The following HENMT1 variants were observed in gnomAD, a reference collection of about 807,000 sequenced individuals.
HENMT1 encodes the protein HEN methyltransferase 1.
HENMT1 carries 27 observed loss-of-function variants against 31.1 expected under a neutral mutation model. The observed-to-expected ratio is 0.87, with a 90% CI of 0.64 to 1.20. The LOEUF is 1.20. Among genes scored for constraint, HENMT1 ranks in the 50% most tolerant of loss-of-function variants. The pLI, the probability that HENMT1 is intolerant of heterozygous loss-of-function variation, is 0.00. For synonymous variants in HENMT1, 167 were observed against 172.2 expected (o/e 0.97, Z 0.24); for missense variants, 438 against 469.6 (o/e 0.93, Z 0.62).
intron 7 of HENMT1, chr1:108,649,495 C>T (rs115987656): frequency 5.7e-5 from 23 of 406,140 alleles, no homozygotes; most frequent in African/African-American, 2.1e-4. Context: ...GCACGCCTGT[C>T]GTCCTAGCTA....
chr1:108,658,917 C>T (rs1658354295), intron 2 of HENMT1, among the ~76,000 whole-genome samples: 2 of 152,160 alleles, frequency 1.3e-5, no homozygotes, highest in Non-Finnish European at 2.9e-5. Context: ...TATTTGATAT[C>T]TGATGTAGCA....
At chr1:108,658,910 T>C (rs905290212) in intron 2 of HENMT1, among the ~76,000 whole-genome samples, 6 of 152,222 alleles carry the variant, frequency 3.9e-5, no homozygotes, top group African/African-American at 1.4e-4. Flanking sequence ...CAAAGGGTAT[T>C]TGATATCTGA....
upstream of HENMT1, chr1:108,661,121 C>G (rs1312127998): frequency 4.4e-5 from 22 of 499,350 alleles, no homozygotes; most frequent in Non-Finnish European, 5.4e-5. Context: ...CTGCGTGACG[C>G]TACCGCCGCG....
At chr1:108,651,392 C>G (rs978522944) in intron 5 of HENMT1, 183 bp from the exon 6 acceptor site, 20 of 575,076 alleles carry the variant, frequency 3.5e-5, no homozygotes, top group Non-Finnish European at 5.7e-5. Context: ...CGCCTGTAAT[C>G]CCAACACTTT....
chr1:108,659,649 CTACTT>C (rs1224290939), intron 2 of HENMT1, among the ~76,000 whole-genome samples: 8 of 152,182 alleles, frequency 5.3e-5, no homozygotes, highest in African/African-American at 1.9e-4. Context: ...ATAGATTTTG[CTACTT>C]TAACACCTAG....
At chr1:108,656,450 T>C (rs755565471) in intron 3 of HENMT1, among the ~76,000 whole-genome samples, 1 of 152,228 alleles carries the variant, frequency 6.6e-6, no homozygotes, top group Non-Finnish European at 1.5e-5. Context: ...TATGCAATTA[T>C]GACTTTACTC....
At chr1:108,655,222 G>A (rs901544323) in intron 4 of HENMT1, among the ~76,000 whole-genome samples, 1 of 152,194 alleles carries the variant, frequency 6.6e-6, no homozygotes, top group Non-Finnish European at 1.5e-5. Flanking sequence ...AGAGATAGGA[G>A]AAATGCTATG....
At chr1:108,658,131 A>G (rs1396032314) in intron 2 of HENMT1, among the ~76,000 whole-genome samples, 2 of 142,200 alleles carry the variant, frequency 1.4e-5, no homozygotes, top group South Asian at 2.2e-4. Context: ...ATATATATAT[A>G]TATTTTTTTT....
chr1:108,655,483 GC>G, intron 4 of HENMT1, 102 bp downstream of exon 4: 1 of 614,642 alleles, frequency 1.6e-6, no homozygotes. Context: ...ATCCCTAATG[GC>G]CCCAATCTTT....
chr1:108,658,092 C>T (rs541910381), intron 2 of HENMT1, among the ~76,000 whole-genome samples: 3,467 of 78,890 alleles, frequency 0.044, 191 homozygotes, highest in African/African-American at 0.12. Flanking sequence ...CACACACACA[C>T]ACATATATAC....
chr1:108,652,388 G>A (rs535010122), intron 5 of HENMT1, among the ~76,000 whole-genome samples: 8 of 152,240 alleles, frequency 5.3e-5, no homozygotes, highest in African/African-American at 7.2e-5. Context: ...AAAAATACAC[G>A]TAGAAAGTTA....
In HENMT1 at chr1:108,648,945, T is replaced by G; in HGVS notation, c.803A>C (p.Lys268Thr). 1 of 1,612,180 alleles carries G rather than the reference T, an allele frequency of 6.2e-7. No individual in the cohort carries two copies. Among genetic ancestry groups the G allele is most frequent in the Non-Finnish European group, 8.5e-7 (1 of 1,178,656 alleles). The change falls in exon 8 of 8, where the codon AAA becomes ACA. Residue 268 changes from lysine (K) to threonine (T), a missense_variant. By Grantham distance (78) the Lys-to-Thr change is moderately conservative (BLOSUM62 -1). Transcript: ENST00000651461. ...GGACACCTCATTAACCAACACAAGTTTAAAGAACCTTTCCTGCTGTAAGCT... is the reference window on the plus strand; with the variant it reads ...GGACACCTCATTAACCAACACAAGTGTAAAGAACCTTTCCTGCTGTAAGCT... ...YPSLQQERFF[K>T]LVLVNEVSQQ...
intron 5 of HENMT1, among the ~76,000 whole-genome samples, chr1:108,652,681 A>G (rs1487034394): frequency 6.6e-6 from 1 of 152,172 alleles, no homozygotes; most frequent in East Asian, 1.9e-4. Flanking sequence ...ACAGTGGCTC[A>G]CGCCTGTAAT....
chr1:108,659,964 TGTAA>T lies in HENMT1; in HGVS notation c.-78-6_-78-3del. ...TTGAGAGAATCAGCACTGACTCAGC[TGTAA>T]TAAATACAAAACCGTTTTTGTAAAG... On this transcript the variant is annotated splice_polypyrimidine_tract_variant and splice_region_variant and intron_variant, in intron 1 of 7. Transcript: ENST00000651461. 1 of 1,492,114 alleles carries T rather than the reference TGTAA, an allele frequency of 6.7e-7. No individual in the cohort carries two copies. Among genetic ancestry groups the T allele is most frequent in the Non-Finnish European group, 8.9e-7 (1 of 1,122,110 alleles). 92.4% of individuals were successfully genotyped at this position (1,492,114 alleles called of 1,614,324 possible).
intron 1 of HENMT1, among the ~76,000 whole-genome samples, 194 bp from the exon 2 acceptor site, chr1:108,660,156 AAC>A (rs1658404781): frequency 6.6e-6 from 1 of 150,716 alleles, no homozygotes; most frequent in African/African-American, 2.4e-5. Context: ...GCAGGACTCG[AAC>A]AGATATTTAT....
At chr1:108,653,466 G>A (rs1201552908) in intron 5 of HENMT1, among the ~76,000 whole-genome samples, 1 of 152,190 alleles carries the variant, frequency 6.6e-6, no homozygotes, top group East Asian at 1.9e-4. Flanking sequence ...CCAGTAGTGG[G>A]ATTGCTAGAT....
rs374822625 is a variant in HENMT1 at position 108,657,420 on chromosome 1, T to C, written c.150+31A>G. On this transcript the variant is annotated intron_variant, in intron 3 of 7. Transcript: ENST00000651461. ...CATATGACTAGTCTACTAGTCTTAA[T>C]AATTAAATGTTTGGAAAGAGAAATA... The C allele has an allele frequency of 1.6e-5, 24 of 1,532,796 alleles. No homozygotes were observed. In the African/African-American group the frequency reaches 3.0e-4, roughly 19 times the overall value. 94.9% of individuals were successfully genotyped at this position (1,532,796 alleles called of 1,614,324 possible).
At chr1:108,661,129 G>A, upstream of HENMT1, 1 of 445,886 alleles carries the variant, frequency 2.2e-6, no homozygotes, top group Non-Finnish European at 3.0e-6. Context: ...CGCTACCGCC[G>A]CGGCTACGCC....
intron 3 of HENMT1, 117 bp from the exon 4 acceptor site, chr1:108,655,815 A>G (rs1445122057): frequency 2.2e-6 from 1 of 452,728 alleles, no homozygotes; most frequent in Middle Eastern, 4.6e-4. Flanking sequence ...TAATGAAAGT[A>G]TTATATGGAA....
Sources: gnomAD v4.1 joint callset for allele counts (sites outside exome capture counted in the v4.1 genomes callset) on GRCh38, gnomAD v4.1.1 for gene constraint, MANE v1.5 for transcripts, NCBI Gene and HGNC (gene_info 2026-07-23, HGNC 2026-07-21) for gene names.